NCALD: variants seen among roughly 807,000 people sequenced by gnomAD.
NCALD encodes the protein neurocalcin delta.
In NCALD, 10 loss-of-function variants were observed where a neutral mutation model predicts 18.6. That is an observed-to-expected ratio of 0.54 (90% confidence interval 0.33 to 0.91). The LOEUF is 0.91. Ranked by LOEUF, NCALD falls within the 40% of genes least tolerant of loss-of-function variation. The pLI is 0.03. For missense variants in NCALD, 184 were observed against 247.6 expected, an observed-to-expected ratio of 0.74 and a Z score of 1.72; for synonymous variants, 88 against 87.4, an observed-to-expected ratio of 1.01 and a Z score of -0.04.
chr8:101,718,223 G>T (rs573738834), intron 2 of NCALD, among the ~76,000 whole-genome samples: 1 of 152,088 alleles, frequency 6.6e-6, no homozygotes, highest in Admixed American at 6.5e-5. Flanking sequence ...GGGAGGCTGA[G>T]GCACCTTCCT....
At chr8:101,780,704 G>A (rs1047865233) in intron 1 of NCALD, among the ~76,000 whole-genome samples, 10 of 151,986 alleles carry the variant, frequency 6.6e-5, no homozygotes, top group African/African-American at 1.9e-4. Context: ...ACATAAAGAT[G>A]GCTAAAATGG....
At chr8:101,823,779 T>C (rs1014659646) in intron 4 of NCALD, among the ~76,000 whole-genome samples, 10 of 152,206 alleles carry the variant, frequency 6.6e-5, no homozygotes, top group Non-Finnish European at 1.0e-4. Context: ...TCTCTGAGTA[T>C]GGTGGAGGCT....
chr8:101,689,243 ATT>A lies in NCALD; in HGVS notation c.*64_*65del. ...TATTGTTTGGCAAAAAAAAAAAAAAATTGTTAAAAAGAAGAATCAAAAGGGAA... is the reference window on the plus strand; with the variant it reads ...TATTGTTTGGCAAAAAAAAAAAAAAAGTTAAAAAGAAGAATCAAAAGGGAA... On this transcript the variant is annotated 3_prime_UTR_variant, in exon 4 of 4. Coordinates refer to ENST00000220931, the MANE Select transcript of NCALD (RefSeq NM_032041.3). This position sits in a 1 kb window ranked among gnomAD's most constrained non-coding sequence, Gnocchi z 4.4. 6.9e-7 allele frequency: 1 copy of A among 1,459,716 alleles called. No individual in the cohort carries two copies. Among genetic ancestry groups the A allele is most frequent in the Non-Finnish European group, 9.4e-7 (1 of 1,066,612 alleles). The allele number at this position is 1,459,716 out of a possible 1,614,324, so 90.4% of individuals were successfully genotyped here. A position where few individuals can be genotyped will look rare whatever the true frequency, so the allele number is the denominator to read the frequency against.
chr8:101,940,422 AAG>A (rs1818913145), intron 2 of NCALD, among the ~76,000 whole-genome samples: 1 of 152,216 alleles, frequency 6.6e-6, no homozygotes, highest in African/African-American at 2.4e-5. Context: ...ATGGAAGCAA[AAG>A]AGGAGTCCAT....
chr8:101,910,333 A>G (rs1366804673), intron 3 of NCALD, among the ~76,000 whole-genome samples: 2 of 138,866 alleles, frequency 1.4e-5, no homozygotes, highest in African/African-American at 6.0e-5. Flanking sequence ...TGAGAGGAGG[A>G]GGTATGAGGG....
chr8:102,006,782 G>A (rs1328169489), intron 2 of NCALD, among the ~76,000 whole-genome samples: 2 of 152,128 alleles, frequency 1.3e-5, no homozygotes, highest in Admixed American at 1.3e-4. Flanking sequence ...ATAGTTCCTG[G>A]TTGCCTTAAC....
At chr8:102,030,909 T>C (rs977727277) in intron 1 of NCALD, among the ~76,000 whole-genome samples, 1 of 141,362 alleles carries the variant, frequency 7.1e-6, no homozygotes, top group Non-Finnish European at 1.6e-5. Flanking sequence ...AAATAAAATA[T>C]AAAGTAGATA....
intron 1 of NCALD, among the ~76,000 whole-genome samples, chr8:102,098,090 G>A (rs1825161822): frequency 1.3e-5 from 2 of 152,176 alleles, no homozygotes; most frequent in Admixed American, 6.5e-5. Flanking sequence ...TGGTGGGTGG[G>A]GCGTGAATAC....
At chr8:101,878,364 T>C (rs1187617975) in intron 4 of NCALD, among the ~76,000 whole-genome samples, 1 of 152,254 alleles carries the variant, frequency 6.6e-6, no homozygotes, top group East Asian at 1.9e-4. Flanking sequence ...CATGTGATTC[T>C]CATTTTCAGA....
At chr8:101,742,279 T>C (rs898024825) in intron 1 of NCALD, among the ~76,000 whole-genome samples, 38 of 152,222 alleles carry the variant, frequency 2.5e-4, no homozygotes, top group African/African-American at 8.9e-4. Flanking sequence ...CATAATTTTA[T>C]TGAAGAAGAA....
intron 4 of NCALD, among the ~76,000 whole-genome samples, chr8:101,884,873 T>C (rs1816621234): frequency 6.6e-6 from 1 of 152,200 alleles, no homozygotes; most frequent in African/African-American, 2.4e-5. Context: ...ATATTTGGTG[T>C]CTCGTGCTCT....
intron 1 of NCALD, among the ~76,000 whole-genome samples, chr8:102,105,174 A>G (rs1033492779): frequency 1.3e-5 from 2 of 152,226 alleles, no homozygotes; most frequent in African/African-American, 4.8e-5. Context: ...GCTTTGAATC[A>G]GGTTTCTATC....
intron 1 of NCALD, among the ~76,000 whole-genome samples, chr8:102,108,100 C>G (rs747373451): frequency 1.3e-5 from 2 of 152,102 alleles, no homozygotes; most frequent in Non-Finnish European, 2.9e-5. Context: ...GGGAAGGAGA[C>G]TTGGCTGAGA....
chr8:101,870,083 A>T (rs1393768795), intron 4 of NCALD, among the ~76,000 whole-genome samples: 1 of 152,224 alleles, frequency 6.6e-6, no homozygotes, highest in Non-Finnish European at 1.5e-5. Flanking sequence ...ACACTAGTTC[A>T]TGAGCATGGG....
intron 2 of NCALD, chr8:101,693,160 T>C (rs1814813540): frequency 2.9e-6 from 1 of 339,870 alleles, no homozygotes. Flanking sequence ...TGTTTTTTGA[T>C]TGTTTTTTGA....
chr8:101,907,330 C>T lies in NCALD; in HGVS notation c.-107+8479G>A, dbSNP rs371245680. Among the ~76,000 whole-genome samples, 130 of 152,238 alleles carry T rather than the reference C, an allele frequency of 8.5e-4. 2 individuals are homozygous for T. Among genetic ancestry groups the T allele is most frequent in the African/African-American group, 3.1e-3 (129 of 41,528 alleles). ...CTCTTGGCTACTTTAATGCCATTTT[C>T]ACTTACTTAGATCCACCCTATAAGC... On this transcript the variant is annotated intron_variant, in intron 3 of 6. Transcript: ENST00000311028.
At chr8:101,822,837 G>A (rs1323610816) in intron 4 of NCALD, among the ~76,000 whole-genome samples, 1 of 152,130 alleles carries the variant, frequency 6.6e-6, no homozygotes, top group Non-Finnish European at 1.5e-5. Context: ...TCTAATTTCT[G>A]GGTTACCCAA....
chr8:101,866,210 C>T (rs998038717), intron 4 of NCALD, among the ~76,000 whole-genome samples: 2 of 152,232 alleles, frequency 1.3e-5, no homozygotes, highest in Admixed American at 1.3e-4. Flanking sequence ...CTGTTCAGTA[C>T]CTTCACAAAA....
intron 3 of NCALD, among the ~76,000 whole-genome samples, chr8:101,914,275 C>T (rs774851632): frequency 3.9e-5 from 6 of 152,030 alleles, no homozygotes; most frequent in Non-Finnish European, 4.4e-5. Flanking sequence ...TTGTCTTATG[C>T]TTTTCTCATA....
Sources: gnomAD v4.1 joint callset for allele counts (sites outside exome capture counted in the v4.1 genomes callset) on GRCh38, gnomAD v4.1.1 for gene constraint, Gnocchi (gnomAD v3.1) non-coding constraint, MANE v1.5 for transcripts, NCBI Gene and HGNC (gene_info 2026-07-23, HGNC 2026-07-21) for gene names.